GLIS3: variants seen among roughly 807,000 people sequenced by gnomAD.
GLIS3 encodes the protein GLIS family zinc finger 3.
In GLIS3, 53 loss-of-function variants were observed where a neutral mutation model predicts 78.6. The observed-to-expected ratio is 0.67, with a 90% CI of 0.54 to 0.85. GLIS3 has a LOEUF of 0.85. Ranked by LOEUF, GLIS3 falls within the 40% of genes least tolerant of loss-of-function variation. The pLI, the probability that GLIS3 is intolerant of heterozygous loss-of-function variation, is 0.00. For missense variants in GLIS3, 1,703 were observed against 1,231.1 expected, an observed-to-expected ratio of 1.38 and a Z score of -5.74; for synonymous variants, 684 against 509.9, an observed-to-expected ratio of 1.34 and a Z score of -4.60.
chr9:4,397,024 C>CTTTTTTTTTTT, the GLIS3 span, among the ~76,000 whole-genome samples: 2 of 121,204 alleles, frequency 1.7e-5, no homozygotes, highest in Admixed American at 8.2e-5. Flanking sequence ...TTCTTTTTTT[C>CTTTTTTTTTTT]TTTTTTTTTT....
intron 4 of GLIS3, among the ~76,000 whole-genome samples, chr9:3,990,371 A>G (rs7864295): frequency 0.044 from 6,705 of 152,304 alleles, 279 homozygotes; most frequent in African/African-American, 0.11. Flanking sequence ...CTTAAGTTGC[A>G]CACGGCAATG....
At chr9:4,172,039 T>C (rs1057070800) in intron 2 of GLIS3, among the ~76,000 whole-genome samples, 4 of 152,194 alleles carry the variant, frequency 2.6e-5, no homozygotes, top group African/African-American at 9.7e-5. Flanking sequence ...TAAATATTTC[T>C]CTTTTTGTAA....
At chr9:4,454,746 T>C in the GLIS3 span, among the ~76,000 whole-genome samples, 206 of 152,318 alleles carry the variant, frequency 1.4e-3, 2 homozygotes, top group African/African-American at 4.6e-3. Flanking sequence ...GTCGGGACAG[T>C]TAGGTTCTCT....
In GLIS3 at chr9:3,901,596, T is replaced by A. The variant is rs554746202; in HGVS notation, c.1984-2761A>T. ...GTAAGTTACTGTTTAGAGAGAAGTA[T>A]TTCTTGGGTCTCAGAAAGCTTCATA... On this transcript the variant is annotated intron_variant, in intron 6 of 10. Coordinates refer to ENST00000381971, the MANE Select transcript of GLIS3 (RefSeq NM_001042413.2). 7.2e-5 allele frequency among the ~76,000 whole-genome samples: 11 copies of A among 152,296 alleles called. No individual in the cohort carries two copies. The South Asian group carries it at 2.3e-3, about 32-fold the overall frequency.
intron 4 of GLIS3, among the ~76,000 whole-genome samples, chr9:3,974,254 A>G (rs1818603222): frequency 6.6e-6 from 1 of 152,174 alleles, no homozygotes; most frequent in African/African-American, 2.4e-5. Flanking sequence ...TTCTACTGCA[A>G]TCAACAAATT....
chr9:4,047,654 T>C (rs550645067), intron 4 of GLIS3, among the ~76,000 whole-genome samples: 1 of 152,080 alleles, frequency 6.6e-6, no homozygotes, highest in East Asian at 1.9e-4. Flanking sequence ...AAGCTCACAA[T>C]CTAGGGAAAG....
rs376871170 is a variant in GLIS3 at position 3,859,999 on chromosome 9, A to G, written c.2298-3815T>C. On this transcript the variant is annotated intron_variant, in intron 8 of 10. Transcript: ENST00000381971. ...TCATAAAAAATCCTCTGGGGGGCCAAGCGTGGTGGCTCACGCCTGTAATCC... is the reference window on the plus strand; with the variant it reads ...TCATAAAAAATCCTCTGGGGGGCCAGGCGTGGTGGCTCACGCCTGTAATCC... 8.6e-5 allele frequency among the ~76,000 whole-genome samples: 13 copies of G among 151,732 alleles called. No individual in the cohort carries two copies. The South Asian group carries it at 2.3e-3, about 27-fold the overall frequency.
Position 3,827,818 on chromosome 9 carries a change from G to T in GLIS3, c.*454C>A, listed in dbSNP as rs549829242. ...TTTGGACATGGATTTCCCTTGTTGTGCCTGGCTTTGCATCAGGAGCAGCAA... is the reference window on the plus strand; with the variant it reads ...TTTGGACATGGATTTCCCTTGTTGTTCCTGGCTTTGCATCAGGAGCAGCAA... On this transcript the variant is annotated 3_prime_UTR_variant, in exon 11 of 11. Coordinates refer to ENST00000381971, the MANE Select transcript of GLIS3 (RefSeq NM_001042413.2). 11 of 243,496 alleles carry T rather than the reference G, an allele frequency of 4.5e-5. No individual in the cohort carries two copies. In the East Asian group the frequency reaches 9.8e-4, roughly 22 times the overall value. 15.1% of individuals were successfully genotyped at this position (243,496 alleles called of 1,614,324 possible).
chr9:4,365,595 A>C, the GLIS3 span, among the ~76,000 whole-genome samples: 1 of 152,122 alleles, frequency 6.6e-6, no homozygotes, highest in African/African-American at 2.4e-5. Context: ...AGATAAAATC[A>C]AACATAATAA....
At chr9:3,870,557 G>C (rs1169571742) in intron 8 of GLIS3, among the ~76,000 whole-genome samples, 1 of 152,168 alleles carries the variant, frequency 6.6e-6, no homozygotes, top group Non-Finnish European at 1.5e-5. Flanking sequence ...AGGTAAGGAG[G>C]AGCAAGTCCC....
chr9:4,252,422 T>A (rs1824488413), intron 2 of GLIS3, among the ~76,000 whole-genome samples: 1 of 152,110 alleles, frequency 6.6e-6, no homozygotes, highest in Non-Finnish European at 1.5e-5. Context: ...TGGGTATGCT[T>A]CATGAAGTCC....
intron 4 of GLIS3, among the ~76,000 whole-genome samples, chr9:4,102,837 T>A (rs1291589390): frequency 6.6e-6 from 1 of 152,052 alleles, no homozygotes; most frequent in Non-Finnish European, 1.5e-5. Flanking sequence ...TACACACACA[T>A]AAGCCTTTCA....
intron 4 of GLIS3, among the ~76,000 whole-genome samples, chr9:3,966,381 T>A (rs532747687): frequency 3.3e-5 from 5 of 151,794 alleles, no homozygotes; most frequent in Non-Finnish European, 7.4e-5. Flanking sequence ...ATTATGACAC[T>A]GTAATAAATC....
chr9:4,416,201 G>A, the GLIS3 span, among the ~76,000 whole-genome samples: 9 of 128,020 alleles, frequency 7.0e-5, no homozygotes, highest in Non-Finnish European at 1.3e-4. Flanking sequence ...GCAGTGAGCT[G>A]AGATTGAGCC....
chr9:4,104,229 C>A (rs563009302), intron 4 of GLIS3, among the ~76,000 whole-genome samples: 1 of 152,082 alleles, frequency 6.6e-6, no homozygotes, highest in Non-Finnish European at 1.5e-5. Flanking sequence ...CAAAATCAAC[C>A]GATCTGCTTC....
At chr9:3,887,556 C>A (rs1464734541) in intron 7 of GLIS3, among the ~76,000 whole-genome samples, 2 of 152,126 alleles carry the variant, frequency 1.3e-5, no homozygotes, top group African/African-American at 4.8e-5. Flanking sequence ...CAGATATTCC[C>A]CCATGAGCTC....
At chr9:3,845,875 C>G (rs1356439054) in intron 9 of GLIS3, among the ~76,000 whole-genome samples, 1 of 152,226 alleles carries the variant, frequency 6.6e-6, no homozygotes, top group African/African-American at 2.4e-5. Context: ...AAAAGCACAA[C>G]TCTGGAGTCA....
intron 2 of GLIS3, among the ~76,000 whole-genome samples, chr9:4,217,741 C>T (rs1820982197): frequency 6.6e-6 from 1 of 152,166 alleles, no homozygotes; most frequent in Non-Finnish European, 1.5e-5. Context: ...AAGCCGTGAG[C>T]AAAAATAACT....
At chr9:4,020,187 G>C (rs1473827725) in intron 4 of GLIS3, among the ~76,000 whole-genome samples, 1 of 152,204 alleles carries the variant, frequency 6.6e-6, no homozygotes, top group Admixed American at 6.5e-5. Flanking sequence ...GCCCATGCAA[G>C]GAAGCTAAGT....
Sources: gnomAD v4.1 joint callset for allele counts (sites outside exome capture counted in the v4.1 genomes callset) on GRCh38, gnomAD v4.1.1 for gene constraint, MANE v1.5 for transcripts, NCBI Gene and HGNC (gene_info 2026-07-23, HGNC 2026-07-21) for gene names.